The following DIAPH2 variants were observed in gnomAD, a reference collection of about 807,000 sequenced individuals.
The protein encoded by DIAPH2 is protein diaphanous homolog 2.
Under a neutral mutation model 92.7 loss-of-function variants are expected in DIAPH2, and 35 were observed. The ratio of observed to expected loss-of-function variants is 0.38; its 90% CI spans 0.29 to 0.50. DIAPH2 has a LOEUF of 0.50. DIAPH2 is among the 20% of genes least tolerant of loss of function. The probability of loss-of-function intolerance (pLI) is 0.94; values close to 1 mark genes in which losing one functional copy is unlikely to be tolerated. For missense variants in DIAPH2, 701 were observed against 819.5 expected (o/e 0.86, Z 1.77); for synonymous variants, 301 against 280.4 (o/e 1.07, Z -0.73).
At chrX:96,869,401 A>T (rs2065124287) in intron 4 of DIAPH2, among the ~76,000 whole-genome samples, 1 of 110,555 alleles carries the variant, frequency 9.0e-6, no homozygotes, top group South Asian at 3.9e-4. Context: ...GACTCTACTA[A>T]AAATACAAAA....
At chrX:97,176,069 C>T (rs760196623) in intron 22 of DIAPH2, among the ~76,000 whole-genome samples, 24 of 111,819 alleles carry the variant, frequency 2.1e-4, no homozygotes, top group Non-Finnish European at 4.1e-4. Context: ...TGCTCCAAGA[C>T]TTATAGAATT....
intron 20 of DIAPH2, among the ~76,000 whole-genome samples, chrX:97,112,257 C>G (rs1236187467): frequency 1.8e-5 from 2 of 111,444 alleles, no homozygotes; most frequent in Non-Finnish European, 3.8e-5. Context: ...GTGAACATGG[C>G]CCCTATAAGC....
intron 17 of DIAPH2, among the ~76,000 whole-genome samples, chrX:96,998,031 G>A (rs1357060253): frequency 2.7e-5 from 3 of 111,643 alleles, no homozygotes; most frequent in African/African-American, 9.8e-5. Flanking sequence ...CTTTTTATCA[G>A]CTTAAATTGT....
chrX:96,749,145 A>AAAATATATATAT (rs1252042191), intron 3 of DIAPH2, among the ~76,000 whole-genome samples: 6 of 79,823 alleles, frequency 7.5e-5, no homozygotes, highest in African/African-American at 3.1e-4. Context: ...AAAAAAAAAA[A>AAAATATATATAT]ATATATATAT....
At chrX:96,838,294 A>T (rs1490810034) in intron 4 of DIAPH2, among the ~76,000 whole-genome samples, 1 of 111,786 alleles carries the variant, frequency 8.9e-6, no homozygotes, top group East Asian at 2.8e-4. Context: ...ATATTCAGCA[A>T]TGTTTTCAGC....
intron 22 of DIAPH2, among the ~76,000 whole-genome samples, chrX:97,202,231 A>G (rs978006044): frequency 8.9e-6 from 1 of 112,020 alleles, no homozygotes; most frequent in African/African-American, 3.2e-5. Flanking sequence ...AAGACCAATG[A>G]CACTATGAAG....
At chrX:97,154,365 G>A (rs1479515945) in intron 22 of DIAPH2, among the ~76,000 whole-genome samples, 1 of 110,971 alleles carries the variant, frequency 9.0e-6, no homozygotes, top group Admixed American at 9.6e-5. Flanking sequence ...TAATTCAAAA[G>A]GATATAAAAT....
chrX:97,229,866 A>G (rs1387399598), intron 22 of DIAPH2, among the ~76,000 whole-genome samples: 1 of 104,415 alleles, frequency 9.6e-6, no homozygotes, highest in Non-Finnish European at 1.9e-5. Flanking sequence ...ATTATATATT[A>G]TATATAATAA....
At chrX:97,212,028 C>T (rs1320563585) in intron 22 of DIAPH2, among the ~76,000 whole-genome samples, 3 of 111,570 alleles carry the variant, frequency 2.7e-5, no homozygotes, top group Non-Finnish European at 5.7e-5. Context: ...TGTCTGATAA[C>T]AGGGCAAGAA....
At chrX:96,872,773 C>T (rs1202183059) in intron 4 of DIAPH2, among the ~76,000 whole-genome samples, 2 of 110,720 alleles carry the variant, frequency 1.8e-5, no homozygotes, top group African/African-American at 6.6e-5. Flanking sequence ...GGATTACAAG[C>T]ATGAGCCACC....
intron 23 of DIAPH2, among the ~76,000 whole-genome samples, chrX:97,298,677 C>T (rs1241577337): frequency 2.0e-5 from 2 of 101,693 alleles, no homozygotes; most frequent in Non-Finnish European, 3.9e-5. Flanking sequence ...TGTAGTGGCG[C>T]GATCTTGGCT....
intron 4 of DIAPH2, among the ~76,000 whole-genome samples, chrX:96,807,326 G>A (rs975739208): frequency 9.0e-6 from 1 of 111,587 alleles, no homozygotes; most frequent in African/African-American, 3.3e-5. Flanking sequence ...ACATGAAAAT[G>A]TTAAAGAGTT....
chrX:96,999,673 T>C (rs1220054458), intron 17 of DIAPH2, among the ~76,000 whole-genome samples: 2 of 110,727 alleles, frequency 1.8e-5, no homozygotes, highest in African/African-American at 6.6e-5. Flanking sequence ...TGTTGGTACA[T>C]GTATCCATTG....
chrX:96,829,740 CT>C (rs2064839074), intron 4 of DIAPH2, among the ~76,000 whole-genome samples: 1 of 111,316 alleles, frequency 9.0e-6, no homozygotes, highest in African/African-American at 3.3e-5. Context: ...GGCCATCCGC[CT>C]GCCTTGGCCT....
intron 15 of DIAPH2, among the ~76,000 whole-genome samples, chrX:96,956,001 T>C (rs2065807960): frequency 1.8e-5 from 2 of 112,577 alleles, no homozygotes; most frequent in African/African-American, 6.5e-5. Context: ...GGACTCTGTG[T>C]GGGGGCTCCA....
chrX:97,535,381 G>A (rs1345397129), intron 26 of DIAPH2, among the ~76,000 whole-genome samples: 1 of 112,141 alleles, frequency 8.9e-6, no homozygotes, highest in Non-Finnish European at 1.9e-5. Context: ...AATGTTATAT[G>A]AACAGTGATG....
chrX:96,865,551 G>T (rs1017501245), intron 4 of DIAPH2, among the ~76,000 whole-genome samples: 4 of 111,903 alleles, frequency 3.6e-5, no homozygotes, highest in Non-Finnish European at 7.5e-5. Context: ...GTAATTTGGG[G>T]CAGGGGAGGG....
intron 24 of DIAPH2, among the ~76,000 whole-genome samples, chrX:97,371,014 T>C (rs1375945461): frequency 8.9e-6 from 1 of 111,732 alleles, no homozygotes; most frequent in African/African-American, 3.3e-5. Context: ...TTTTAGAAGA[T>C]TTAGAGCATG....
At chrX:97,069,612 T>C (rs2066656153) in intron 17 of DIAPH2, among the ~76,000 whole-genome samples, 2 of 111,723 alleles carry the variant, frequency 1.8e-5, no homozygotes, top group Admixed American at 1.9e-4. Flanking sequence ...CTAAGCTAAT[T>C]CATAGTAGGT....
Sources: allele counts gnomAD v4.1 joint callset (sites outside exome capture counted in the v4.1 genomes callset), GRCh38; gene constraint gnomAD v4.1.1; transcripts MANE v1.5; gene names NCBI Gene and HGNC (gene_info 2026-07-23, HGNC 2026-07-21).